CSMD1: variants seen among roughly 807,000 people sequenced by gnomAD.
CSMD1 encodes CUB and Sushi multiple domains 1.
A neutral mutation model predicts 417.5 loss-of-function variants in CSMD1; 213 were observed. The observed-to-expected ratio is 0.51, with a 90% CI of 0.46 to 0.57. CSMD1 has a LOEUF of 0.57. Ranked by LOEUF, CSMD1 falls within the 20% of genes least tolerant of loss-of-function variation. CSMD1 has a pLI of 0.00. For missense variants in CSMD1, 6,923 were observed against 4,529.7 expected, an observed-to-expected ratio of 1.53 and a Z score of -15.17; for synonymous variants, 2,862 against 1,736.8, an observed-to-expected ratio of 1.65 and a Z score of -16.11.
rs1803400461 is a variant in CSMD1, at chr8:2,960,922, T to G, written c.9702+219A>C. ...TATATGAAATTATGCATTATTCCAT[T>G]ATTATCTAGTAAGCAAGATATATAT... On this transcript the variant is annotated intron_variant, in intron 62 of 69. Coordinates refer to ENST00000635120, the MANE Select transcript of CSMD1 (RefSeq NM_033225.6). Among the ~76,000 whole-genome samples the G allele has an allele frequency of 3.8e-5, 5 of 131,654 alleles. No homozygotes were observed. The South Asian group carries it at 1.2e-3, about 33-fold the overall frequency. 86.4% of individuals were successfully genotyped at this position (131,654 alleles called of 152,430 possible).
intron 4 of CSMD1, among the ~76,000 whole-genome samples, chr8:4,012,502 T>C (rs923408595): frequency 2.0e-5 from 3 of 152,164 alleles, no homozygotes; most frequent in African/African-American, 4.8e-5. Flanking sequence ...TTTCGAGGTG[T>C]GGTGTATGCA....
At chr8:3,885,940 G>A (rs188593340) in intron 5 of CSMD1, among the ~76,000 whole-genome samples, 1 of 151,918 alleles carries the variant, frequency 6.6e-6, no homozygotes, top group Admixed American at 6.6e-5. Context: ...GTTAAAAGTT[G>A]ATAAGTTATG....
chr8:3,409,290 C>A, intron 13 of CSMD1, 133 bp downstream of exon 13: 1 of 709,530 alleles, frequency 1.4e-6, no homozygotes, highest in Non-Finnish European at 2.1e-6. Context: ...TTGCACGTTT[C>A]CAGTAAATGT....
intron 9 of CSMD1, among the ~76,000 whole-genome samples, chr8:3,578,363 C>A (rs114275386): frequency 0.017 from 2,633 of 151,998 alleles, 77 homozygotes; most frequent in African/African-American, 0.059. Flanking sequence ...TGCCTGCTGT[C>A]CTCCCTTAGA....
intron 23 of CSMD1, among the ~76,000 whole-genome samples, chr8:3,325,947 T>C (rs1563274989): frequency 2.0e-5 from 3 of 152,126 alleles, no homozygotes; most frequent in Admixed American, 6.5e-5. Context: ...GAAAAAATAA[T>C]TGGCAAAACT....
At chr8:3,326,458 C>T (rs1806539191) in intron 23 of CSMD1, among the ~76,000 whole-genome samples, 1 of 152,190 alleles carries the variant, frequency 6.6e-6, no homozygotes, top group South Asian at 2.1e-4. Flanking sequence ...GGTTTCAGAG[C>T]ACTACCGTGC....
At chr8:3,801,962 G>A (rs371292983) in intron 5 of CSMD1, among the ~76,000 whole-genome samples, 1 of 152,008 alleles carries the variant, frequency 6.6e-6, no homozygotes, top group East Asian at 1.9e-4. Context: ...CTGATAATAG[G>A]TACAGAACAT....
intron 3 of CSMD1, among the ~76,000 whole-genome samples, chr8:4,245,643 G>T (rs143465437): frequency 6.6e-6 from 1 of 152,048 alleles, no homozygotes; most frequent in Non-Finnish European, 1.5e-5. Flanking sequence ...AGGAAATCTT[G>T]AATTCAGATA....
chr8:3,751,093 T>C (rs1200250202), intron 6 of CSMD1, among the ~76,000 whole-genome samples: 1 of 152,108 alleles, frequency 6.6e-6, no homozygotes, highest in African/African-American at 2.4e-5. Flanking sequence ...AAGTCCCCTG[T>C]TCAATGAGGA....
Position 4,526,435 on chromosome 8 carries a change from A to G in CSMD1, c.303-106370T>C, listed in dbSNP as rs146035169. ...GCCCAAGGGCAAATGCCTAGTACTAAAAAACTATAAAATAATTGCTAGATG... is the reference window on the plus strand; with the variant it reads ...GCCCAAGGGCAAATGCCTAGTACTAGAAAACTATAAAATAATTGCTAGATG... On this transcript the variant is annotated intron_variant, in intron 2 of 69. Transcript: ENST00000635120. 3.1e-3 allele frequency among the ~76,000 whole-genome samples: 479 copies of G among 152,370 alleles called. 5 individuals carry two copies. The highest frequency in any genetic ancestry group is 0.011 in the African/African-American group (455 of 41,604).
intron 10 of CSMD1, among the ~76,000 whole-genome samples, chr8:3,530,313 G>A (rs868006152): frequency 2.0e-5 from 3 of 151,724 alleles, no homozygotes; most frequent in Non-Finnish European, 2.9e-5. Flanking sequence ...GTCCCTCTTG[G>A]CCCTGTTTTG....
At chr8:4,239,947 G>A (rs1039265731) in intron 3 of CSMD1, among the ~76,000 whole-genome samples, 2 of 152,132 alleles carry the variant, frequency 1.3e-5, no homozygotes, top group African/African-American at 2.4e-5. Context: ...AAAAAATAAT[G>A]CACTTTTAAA....
At chr8:3,921,822 G>C (rs1299792531) in intron 5 of CSMD1, among the ~76,000 whole-genome samples, 2 of 152,126 alleles carry the variant, frequency 1.3e-5, no homozygotes, top group East Asian at 3.9e-4. Context: ...ATCCTGGAGA[G>C]AGTTTTGTGC....
At chr8:3,740,644 G>A (rs1432232325) in intron 6 of CSMD1, among the ~76,000 whole-genome samples, 1 of 152,146 alleles carries the variant, frequency 6.6e-6, no homozygotes, top group East Asian at 1.9e-4. Flanking sequence ...ACAAATGTAG[G>A]GACCTGGGAT....
chr8:3,755,400 G>A (rs1165905504), intron 5 of CSMD1, among the ~76,000 whole-genome samples: 2 of 152,188 alleles, frequency 1.3e-5, no homozygotes, highest in East Asian at 3.8e-4. Flanking sequence ...AAGTGGTTGT[G>A]CACTGAATAA....
chr8:4,785,550 A>G lies in CSMD1; in HGVS notation c.86-147992T>C, dbSNP rs768932687. Among the ~76,000 whole-genome samples the G allele has an allele frequency of 1.7e-4, 26 of 152,122 alleles. 1 individual carries two copies. The highest frequency in any genetic ancestry group is 6.0e-4 in the African/African-American group (25 of 41,422). On this transcript the variant is annotated intron_variant, in intron 1 of 69. Coordinates refer to ENST00000635120, the MANE Select transcript of CSMD1 (RefSeq NM_033225.6). ...GAGCTTGGTTTCCTGAAATGCTGTGATTCACATCCATCTCCATAGTCCTGA... is the reference window on the plus strand; with the variant it reads ...GAGCTTGGTTTCCTGAAATGCTGTGGTTCACATCCATCTCCATAGTCCTGA...
intron 44 of CSMD1, among the ~76,000 whole-genome samples, chr8:3,108,171 G>C (rs1816267231): frequency 6.6e-6 from 1 of 152,158 alleles, no homozygotes; most frequent in Admixed American, 6.5e-5. Context: ...TCTGTAGGTG[G>C]CAGTGTTCGT....
intron 12 of CSMD1, among the ~76,000 whole-genome samples, chr8:3,459,327 G>A (rs1247153112): frequency 6.6e-6 from 1 of 152,136 alleles, no homozygotes; most frequent in Admixed American, 6.5e-5. Context: ...TGGCTGACGT[G>A]GGGCACAGGG....
intron 1 of CSMD1, among the ~76,000 whole-genome samples, chr8:4,682,472 T>C (rs528649457): frequency 6.6e-6 from 1 of 152,216 alleles, no homozygotes; most frequent in South Asian, 2.1e-4. Context: ...TATTTCTATA[T>C]GAAAAATAGA....
Sources: gnomAD v4.1 joint callset for allele counts (sites outside exome capture counted in the v4.1 genomes callset) on GRCh38, gnomAD v4.1.1 for gene constraint, MANE v1.5 for transcripts, NCBI Gene and HGNC (gene_info 2026-07-23, HGNC 2026-07-21) for gene names.